The following HECW1 variants were observed in gnomAD, a reference collection of about 807,000 sequenced individuals.
HECW1 encodes the protein E3 ubiquitin-protein ligase HECW1.
Under a neutral mutation model 182.3 loss-of-function variants are expected in HECW1, and 61 were observed. That is an observed-to-expected ratio of 0.33 (90% confidence interval 0.27 to 0.41). HECW1 has a LOEUF of 0.41. Ranked by LOEUF, HECW1 falls within the 10% of genes least tolerant of loss-of-function variation. HECW1 has a pLI of 1.00. For missense variants in HECW1, 1,739 were observed against 2,108.9 expected, an observed-to-expected ratio of 0.82 and a Z score of 3.44; for synonymous variants, 859 against 832.6, an observed-to-expected ratio of 1.03 and a Z score of -0.55.
At chr7:43,227,653 TCTTA>T (rs777906016) in intron 2 of HECW1, among the ~76,000 whole-genome samples, 11 of 152,362 alleles carry the variant, frequency 7.2e-5, no homozygotes, top group Admixed American at 2.0e-4. Flanking sequence ...TGACATTTTT[TCTTA>T]CTTGAAATTA....
intron 2 of HECW1, among the ~76,000 whole-genome samples, chr7:43,198,204 G>A (rs778984755): frequency 1.6e-5 from 2 of 127,068 alleles, no homozygotes; most frequent in Non-Finnish European, 3.3e-5. Flanking sequence ...ACATTCACAC[G>A]CTCACCCTAT....
intron 2 of HECW1, among the ~76,000 whole-genome samples, chr7:43,184,541 C>T (rs192220348): frequency 1.4e-4 from 21 of 152,140 alleles, no homozygotes; most frequent in Non-Finnish European, 2.1e-4. Context: ...GGTGGCTGGA[C>T]GTCCCTAGAT....
intron 2 of HECW1, among the ~76,000 whole-genome samples, chr7:43,146,865 A>G (rs117541300): frequency 8.2e-4 from 125 of 152,318 alleles, no homozygotes; most frequent in Non-Finnish European, 1.5e-3. Context: ...ATCCCAGAAT[A>G]TGTGGACATG....
At chr7:43,408,987 T>G (rs575892548) in intron 8 of HECW1, among the ~76,000 whole-genome samples, 15 of 152,342 alleles carry the variant, frequency 9.8e-5, no homozygotes, top group Admixed American at 6.5e-4. Context: ...CAAAGGAACT[T>G]GCTTTGGAGA....
At chr7:43,467,587 T>A (rs1371592730) in intron 15 of HECW1, among the ~76,000 whole-genome samples, 1 of 151,616 alleles carries the variant, frequency 6.6e-6, no homozygotes, top group East Asian at 1.9e-4. Context: ...TCTGGCAGAG[T>A]GTCGGGGAGA....
At chr7:43,508,866 C>G in intron 23 of HECW1, 103 bp from the exon 24 acceptor site, 2 of 1,246,960 alleles carry the variant, frequency 1.6e-6, no homozygotes, top group Non-Finnish European at 2.3e-6. Context: ...CTCTGCTTTC[C>G]CCAGCACCCA....
chr7:43,395,481 C>T (rs2075196949), intron 6 of HECW1, among the ~76,000 whole-genome samples: 1 of 152,206 alleles, frequency 6.6e-6, no homozygotes, highest in African/African-American at 2.4e-5. Context: ...AGTTTTGACT[C>T]ACCAATCCTG....
chr7:43,159,061 A>G (rs1790206580), intron 2 of HECW1, among the ~76,000 whole-genome samples: 1 of 152,206 alleles, frequency 6.6e-6, no homozygotes, highest in Non-Finnish European at 1.5e-5. Context: ...CCACAGCCTG[A>G]GAACTGCTGC....
intron 2 of HECW1, among the ~76,000 whole-genome samples, chr7:43,173,389 G>T (rs1791883882): frequency 6.6e-6 from 1 of 152,158 alleles, no homozygotes; most frequent in African/African-American, 2.4e-5. Context: ...GCCTCCAGTG[G>T]CTGTCCACCC....
intron 24 of HECW1, chr7:43,512,101 G>A (rs35748935): frequency 0.11 from 25,029 of 221,954 alleles, 1,564 homozygotes; most frequent in Middle Eastern, 0.2. Context: ...TTCTGAGGGA[G>A]TTCATCAGGA....
Position 43,383,434 on chromosome 7 carries a change from G to A in HECW1, c.556-13380G>A, listed in dbSNP as rs146746009. Among the ~76,000 whole-genome samples, 10 of 152,210 alleles carry A rather than the reference G, an allele frequency of 6.6e-5. No individual in the cohort carries two copies. In the South Asian group the frequency reaches 8.3e-4, roughly 13 times the overall value. Reference sequence around the variant, plus strand: ...AATATTCCTGTTTCTCCACAGCCTCGCCAGCATCTGTTGTTTCCTGACTTT... The same window carrying A: ...AATATTCCTGTTTCTCCACAGCCTCACCAGCATCTGTTGTTTCCTGACTTT... On this transcript the variant is annotated intron_variant, in intron 6 of 29. Coordinates refer to ENST00000395891, the MANE Select transcript of HECW1 (RefSeq NM_015052.5).
At chr7:43,352,302 C>T (rs1472727761) in intron 5 of HECW1, among the ~76,000 whole-genome samples, 1 of 152,012 alleles carries the variant, frequency 6.6e-6, no homozygotes, top group Non-Finnish European at 1.5e-5. Context: ...ATGTGTATTC[C>T]ATGCAATAAT....
At chr7:43,127,976 T>C (rs1786463838) in intron 2 of HECW1, among the ~76,000 whole-genome samples, 1 of 152,054 alleles carries the variant, frequency 6.6e-6, no homozygotes, top group African/African-American at 2.4e-5. Context: ...CTTCCTGGGC[T>C]CAAATGATCC....
intron 3 of HECW1, among the ~76,000 whole-genome samples, chr7:43,307,047 G>C (rs1807662059): frequency 6.6e-6 from 1 of 151,994 alleles, no homozygotes; most frequent in African/African-American, 2.4e-5. Context: ...ACAAAACATT[G>C]GTGGCTCTTC....
At chr7:43,268,702 T>C (rs1365371942) in intron 3 of HECW1, among the ~76,000 whole-genome samples, 1 of 152,230 alleles carries the variant, frequency 6.6e-6, no homozygotes, top group Non-Finnish European at 1.5e-5. Context: ...TTCCACTTCA[T>C]GTGCCTCAGG....
chr7:43,495,123 T>G (rs924111266), intron 19 of HECW1, among the ~76,000 whole-genome samples: 21 of 152,192 alleles, frequency 1.4e-4, no homozygotes, highest in African/African-American at 5.1e-4. Flanking sequence ...TTTAATTTTT[T>G]TTATTATACT....
rs1195788725 is a variant in HECW1 at position 43,488,428 on chromosome 7, AAGAAAG to A, written c.3235-3639_3235-3634del. Among the ~76,000 whole-genome samples, 81 of 108,134 alleles carry A rather than the reference AAGAAAG, an allele frequency of 7.5e-4. 5 individuals carry two copies. Among genetic ancestry groups the A allele is most frequent in the African/African-American group, 2.8e-3 (75 of 26,860 alleles). The allele number at this position is 108,134 out of a possible 152,430, so 70.9% of individuals were successfully genotyped here. A position where few individuals can be genotyped will look rare whatever the true frequency, so the allele number is the denominator to read the frequency against. ...TGAAAGAAAGAGAGAGAGAGAAAGA[AAGAAAG>A]AGAAAGAAAGAAAGAAAGAAAGAAA... On this transcript the variant is annotated intron_variant, in intron 17 of 29. Transcript: ENST00000395891.
intron 3 of HECW1, among the ~76,000 whole-genome samples, chr7:43,287,031 T>C (rs1289848818): frequency 6.6e-6 from 1 of 152,046 alleles, no homozygotes; most frequent in African/African-American, 2.4e-5. Context: ...GGGGAGTTGT[T>C]TAAGGATGGT....
intron 24 of HECW1, among the ~76,000 whole-genome samples, chr7:43,513,497 G>A (rs2079980495): frequency 1.3e-5 from 2 of 152,188 alleles, no homozygotes; most frequent in East Asian, 1.9e-4. Flanking sequence ...TGCTCCCTGT[G>A]TGTGGGCTTT....
Sources: gnomAD v4.1 joint callset for allele counts (sites outside exome capture counted in the v4.1 genomes callset) on GRCh38, gnomAD v4.1.1 for gene constraint, MANE v1.5 for transcripts, NCBI Gene and HGNC (gene_info 2026-07-23, HGNC 2026-07-21) for gene names.